The following MAML2 variants were observed in gnomAD, a reference collection of about 807,000 sequenced individuals.
MAML2 encodes mastermind like transcriptional coactivator 2, also known as mastermind-like protein 2.
A neutral mutation model predicts 96.1 loss-of-function variants in MAML2; 22 were observed. The observed-to-expected ratio is 0.23, with a 90% CI of 0.16 to 0.33. The LOEUF is 0.33. Among genes scored for constraint, MAML2 ranks in the 10% least tolerant of loss-of-function variants. The probability of loss-of-function intolerance (pLI) is 1.00; values close to 1 mark genes in which losing one functional copy is unlikely to be tolerated. For missense variants in MAML2, 1,367 were observed against 1,392.4 expected (o/e 0.98, Z 0.29); for synonymous variants, 561 against 521.3 (o/e 1.08, Z -1.04).
chr11:96,125,743 C>T (rs1480774910), intron 1 of MAML2, among the ~76,000 whole-genome samples: 1 of 152,142 alleles, frequency 6.6e-6, no homozygotes, highest in African/African-American at 2.4e-5. Flanking sequence ...AAATAAGGCT[C>T]TTAATCATCT....
intron 2 of MAML2, among the ~76,000 whole-genome samples, chr11:96,068,438 T>TACACACA (rs1555004089): frequency 4.2e-5 from 5 of 120,372 alleles, no homozygotes; most frequent in Non-Finnish European, 6.9e-5. Context: ...GGAGCTTACT[T>TACACACA]CACACACACA....
intron 1 of MAML2, among the ~76,000 whole-genome samples, chr11:96,250,729 T>C (rs1862570487): frequency 6.6e-6 from 1 of 152,230 alleles, no homozygotes; most frequent in African/African-American, 2.4e-5. Context: ...AGTGTTCAAT[T>C]TCTCTGCCAG....
intron 1 of MAML2, among the ~76,000 whole-genome samples, chr11:96,279,038 G>A (rs1863027176): frequency 6.6e-6 from 1 of 152,210 alleles, no homozygotes; most frequent in African/African-American, 2.4e-5. Flanking sequence ...AAGTGAGTGA[G>A]AGGGAGGAAT....
intron 1 of MAML2, among the ~76,000 whole-genome samples, chr11:96,323,209 C>T (rs1421162332): frequency 1.3e-5 from 2 of 151,782 alleles, no homozygotes; most frequent in African/African-American, 4.8e-5. Context: ...TATCTCAAGA[C>T]ATACTTGCTA....
In MAML2 at chr11:96,056,262, A is replaced by G. The variant is rs541962864; in HGVS notation, c.2139+35630T>C. Among the ~76,000 whole-genome samples the G allele has an allele frequency of 5.9e-5, 9 of 152,126 alleles. 1 individual carries two copies. In the South Asian group the frequency reaches 1.9e-3, roughly 32 times the overall value. On this transcript the variant is annotated intron_variant, in intron 2 of 4. Coordinates refer to ENST00000524717, the MANE Select transcript of MAML2 (RefSeq NM_032427.4). ...CATAAGAAAGGATGGTGGAGCTTGG[A>G]TAGTGGTGGGGTCTGGAGCTAGTTT...
intron 1 of MAML2, among the ~76,000 whole-genome samples, chr11:96,231,428 AT>A (rs1228915604): frequency 6.6e-6 from 1 of 152,188 alleles, no homozygotes; most frequent in Non-Finnish European, 1.5e-5. Flanking sequence ...GCCATTAAGG[AT>A]TTTATACTGG....
chr11:96,260,589 G>A (rs1490845890), intron 1 of MAML2, among the ~76,000 whole-genome samples: 1 of 152,170 alleles, frequency 6.6e-6, no homozygotes, highest in African/African-American at 2.4e-5. Context: ...GTCTGCCAAT[G>A]TGATACCTGC....
At chr11:96,040,758 C>A (rs1274453739) in intron 2 of MAML2, among the ~76,000 whole-genome samples, 1 of 152,124 alleles carries the variant, frequency 6.6e-6, no homozygotes, top group Non-Finnish European at 1.5e-5. Context: ...CAGAGTGAGA[C>A]TTTGTCTCAA....
At chr11:96,307,423 G>A (rs1466056876) in intron 1 of MAML2, among the ~76,000 whole-genome samples, 2 of 152,132 alleles carry the variant, frequency 1.3e-5, no homozygotes, top group East Asian at 3.9e-4. Context: ...ATCCCTTAAA[G>A]TATATTCCTT....
intron 1 of MAML2, among the ~76,000 whole-genome samples, chr11:96,240,557 C>CAACAACAAAAAAAAAAAAA (rs568304250): frequency 3.9e-5 from 2 of 51,090 alleles, no homozygotes; most frequent in African/African-American, 6.1e-5. Flanking sequence ...GACTCCGTCT[C>CAACAACAAAAAAAAAAAAA]AAAAAAAAAA....
intron 1 of MAML2, among the ~76,000 whole-genome samples, chr11:96,302,696 G>T (rs1463651429): frequency 6.6e-6 from 1 of 152,124 alleles, no homozygotes; most frequent in Non-Finnish European, 1.5e-5. Context: ...TTCTTGGGTT[G>T]CACAGAAACC....
chr11:96,056,121 T>C (rs1184028327), intron 2 of MAML2, among the ~76,000 whole-genome samples: 14 of 152,178 alleles, frequency 9.2e-5, no homozygotes, highest in Admixed American at 9.2e-4. Context: ...TTCATCTATG[T>C]AATATAAAGG....
At chr11:96,030,280 A>G (rs995046399) in intron 2 of MAML2, among the ~76,000 whole-genome samples, 1 of 151,826 alleles carries the variant, frequency 6.6e-6, no homozygotes, top group Non-Finnish European at 1.5e-5. Flanking sequence ...AATAGCTAAT[A>G]TCATTGTTTT....
At chr11:96,090,412 T>A (rs1859684985) in intron 2 of MAML2, among the ~76,000 whole-genome samples, 1 of 152,188 alleles carries the variant, frequency 6.6e-6, no homozygotes, top group Non-Finnish European at 1.5e-5. Flanking sequence ...CCTAGGAGAT[T>A]TTCTTTTCAC....
intron 1 of MAML2, among the ~76,000 whole-genome samples, chr11:96,331,172 G>A (rs904510233): frequency 6.6e-6 from 1 of 151,976 alleles, no homozygotes; most frequent in African/African-American, 2.4e-5. Flanking sequence ...TCAGAAGGCT[G>A]GCGGGGAGGA....
At chr11:96,335,679 G>A (rs1270520271) in intron 1 of MAML2, among the ~76,000 whole-genome samples, 1 of 152,170 alleles carries the variant, frequency 6.6e-6, no homozygotes, top group East Asian at 1.9e-4. Context: ...AGTATATGAA[G>A]GATTATTATT....
intron 1 of MAML2, among the ~76,000 whole-genome samples, chr11:96,326,393 ATGTG>A (rs369718997): frequency 6.8e-6 from 1 of 146,812 alleles, no homozygotes; most frequent in African/African-American, 2.5e-5. Context: ...GTGTGCATGT[ATGTG>A]TGTGTGTGTG....
intron 1 of MAML2, among the ~76,000 whole-genome samples, chr11:96,222,270 G>A (rs1862151167): frequency 6.6e-6 from 1 of 152,180 alleles, no homozygotes; most frequent in Non-Finnish European, 1.5e-5. Flanking sequence ...CGCTGAATAT[G>A]TTTATTAAAG....
intron 1 of MAML2, among the ~76,000 whole-genome samples, chr11:96,257,152 G>A (rs1417528317): frequency 6.6e-6 from 1 of 152,232 alleles, no homozygotes; most frequent in Non-Finnish European, 1.5e-5. Flanking sequence ...CAGTAGAGTT[G>A]TAGACAAATG....
Sources: gnomAD v4.1 joint callset for allele counts (sites outside exome capture counted in the v4.1 genomes callset) on GRCh38, gnomAD v4.1.1 for gene constraint, MANE v1.5 for transcripts, NCBI Gene and HGNC (gene_info 2026-07-23, HGNC 2026-07-21) for gene names.